The following COL4A6 variants were observed in gnomAD, a reference collection of about 807,000 sequenced individuals.
COL4A6 encodes collagen alpha-6(IV) chain.
Under a neutral mutation model 126.7 loss-of-function variants are expected in COL4A6, and 59 were observed. The observed-to-expected ratio is 0.47, with a 90% CI of 0.38 to 0.58. COL4A6 has a LOEUF of 0.58. Ranked by LOEUF, COL4A6 falls within the 20% of genes least tolerant of loss-of-function variation. COL4A6 has a pLI of 0.00. For missense variants in COL4A6, 1,285 were observed against 1,337.3 expected, an observed-to-expected ratio of 0.96 and a Z score of 0.61; for synonymous variants, 547 against 496.6, an observed-to-expected ratio of 1.10 and a Z score of -1.35.
At chrX:108,313,377 T>C (rs1389837118) in intron 2 of COL4A6, among the ~76,000 whole-genome samples, 2 of 112,165 alleles carry the variant, frequency 1.8e-5, no homozygotes, top group Admixed American at 9.5e-5. Context: ...TCTAATACAG[T>C]GGTTCTTAAC....
intron 2 of COL4A6, among the ~76,000 whole-genome samples, chrX:108,355,116 G>T (rs1213620906): frequency 1.8e-5 from 2 of 111,465 alleles, no homozygotes; most frequent in Non-Finnish European, 3.8e-5. Flanking sequence ...TACCCCTTGA[G>T]ATGTCCAGAT....
chrX:108,403,887 T>A (rs1427924371), intron 2 of COL4A6, among the ~76,000 whole-genome samples: 1 of 111,723 alleles, frequency 9.0e-6, no homozygotes, highest in Non-Finnish European at 1.9e-5. Context: ...TTGGGGATTT[T>A]AAAATAATAT....
At chrX:108,187,819 A>C (rs766672508) in intron 22 of COL4A6, 29 bp downstream of exon 22, 1 of 1,169,651 alleles carries the variant, frequency 8.5e-7, no homozygotes, top group Non-Finnish European at 1.2e-6. Context: ...AGATCTGTAG[A>C]GCTAATCACC....
intron 3 of COL4A6, among the ~76,000 whole-genome samples, chrX:108,305,592 G>A (rs761093375): frequency 8.9e-6 from 1 of 111,858 alleles, no homozygotes; most frequent in South Asian, 3.8e-4. Flanking sequence ...TCAGTCTTGA[G>A]GTTATTGAGG....
intron 2 of COL4A6, among the ~76,000 whole-genome samples, chrX:108,377,941 CAAAAAA>C (rs745969449): frequency 1.4e-4 from 1 of 7,233 alleles, no homozygotes; most frequent in Non-Finnish European, 2.9e-4. Flanking sequence ...GACTCCGTCT[CAAAAAA>C]AAAAAAAAAA....
At chrX:108,392,147 C>T (rs1038366775) in intron 2 of COL4A6, among the ~76,000 whole-genome samples, 7 of 111,854 alleles carry the variant, frequency 6.3e-5, no homozygotes, top group African/African-American at 1.3e-4. Context: ...TAAATGTAAG[C>T]GCTAAAACTA....
At position 108,354,028 on chromosome X, in the gene COL4A6, C is replaced by T. The variant is rs760507637; in HGVS notation, c.64-43200G>A. 4.5e-5 allele frequency among the ~76,000 whole-genome samples: 5 copies of T among 111,556 alleles called. No homozygotes were observed. The South Asian group carries it at 1.5e-3, about 34-fold the overall frequency. ...ATTAGCTGGGCATGGTGGCATGTGC[C>T]TGTAATCCCAGCTATTTGGGAGGCT... On this transcript the variant is annotated intron_variant, in intron 2 of 44. Transcript: ENST00000334504.
At chrX:108,400,894 A>G (rs751106041) in intron 2 of COL4A6, among the ~76,000 whole-genome samples, 1 of 112,104 alleles carries the variant, frequency 8.9e-6, no homozygotes, top group East Asian at 2.8e-4. Flanking sequence ...AAAGGTATCA[A>G]GAATTTTCTT....
intron 4 of COL4A6, 61 bp from the exon 5 acceptor site, chrX:108,219,803 A>C: frequency 1.0e-6 from 1 of 997,696 alleles, no homozygotes; most frequent in African/African-American, 1.9e-5. Flanking sequence ...TGTTAGACTC[A>C]GTAGGTTTAT....
intron 3 of COL4A6, among the ~76,000 whole-genome samples, chrX:108,257,849 T>C (rs1452365438): frequency 1.8e-5 from 2 of 111,786 alleles, no homozygotes; most frequent in Non-Finnish European, 3.8e-5. Flanking sequence ...CATGGTTGAA[T>C]GATTTGAGGT....
chrX:108,278,796 G>A lies in COL4A6; in HGVS notation c.144+31952C>T, dbSNP rs1270501622. 8.4e-3 allele frequency among the ~76,000 whole-genome samples: 929 copies of A among 110,319 alleles called. 3 individuals are homozygous for A. The highest frequency in any genetic ancestry group is 0.029 in the African/African-American group (878 of 30,255). ...CCATCAGACTAACAGCGGATCTCTC[G>A]GCAGAAACTCTACAAGCCAGAAGAG... On this transcript the variant is annotated intron_variant, in intron 3 of 44. Transcript: ENST00000334504.
chrX:108,191,328 A>T (rs2035032975), intron 19 of COL4A6, 65 bp downstream of exon 19: 2 of 1,142,953 alleles, frequency 1.7e-6, no homozygotes, highest in South Asian at 4.1e-5. Flanking sequence ...CTCAAAAATC[A>T]TGACTGTTCT....
intron 3 of COL4A6, among the ~76,000 whole-genome samples, chrX:108,283,364 C>T (rs946857443): frequency 5.4e-5 from 6 of 110,893 alleles, no homozygotes; most frequent in Non-Finnish European, 7.6e-5. Context: ...CAGTTTATTT[C>T]TCTCTTCCCT....
At chrX:108,197,816 C>G (rs188612752) in intron 13 of COL4A6, among the ~76,000 whole-genome samples, 1 of 93,906 alleles carries the variant, frequency 1.1e-5, no homozygotes, top group African/African-American at 3.8e-5. Flanking sequence ...TGTGTAGGAT[C>G]CAATTCAAAG....
At chrX:108,330,042 A>G (rs2039258347) in intron 2 of COL4A6, among the ~76,000 whole-genome samples, 1 of 107,732 alleles carries the variant, frequency 9.3e-6, no homozygotes, top group South Asian at 3.8e-4. Flanking sequence ...AAATATGTCT[A>G]AACAGTTATA....
At chrX:108,259,142 A>T (rs1264912356) in intron 3 of COL4A6, among the ~76,000 whole-genome samples, 1 of 111,364 alleles carries the variant, frequency 9.0e-6, no homozygotes, top group African/African-American at 3.3e-5. Flanking sequence ...TGCATTTGTT[A>T]ATCAGAGCTA....
chrX:108,276,955 G>C (rs964057671), intron 3 of COL4A6, among the ~76,000 whole-genome samples: 1 of 112,547 alleles, frequency 8.9e-6, no homozygotes, highest in South Asian at 3.7e-4. Context: ...GAAAGCAATG[G>C]AACCTTTGTC....
intron 2 of COL4A6, among the ~76,000 whole-genome samples, chrX:108,312,185 A>G (rs1236126570): frequency 3.6e-5 from 4 of 112,187 alleles, no homozygotes; most frequent in Non-Finnish European, 5.6e-5. Flanking sequence ...CTGACCTCAC[A>G]CTTAATCATT....
Position 108,206,705 on chromosome X carries a change from T to C in COL4A6, c.547-125A>G, listed in dbSNP as rs7881238. 613 of 598,622 alleles carry C rather than the reference T, an allele frequency of 1.0e-3. 2 individuals carry two copies. In the African/African-American group the frequency reaches 0.011, roughly 11 times the overall value. The allele number at this position is 598,622 out of a possible 1,213,427, so 49.3% of individuals were successfully genotyped here. On this transcript the variant is annotated intron_variant, in intron 8 of 44. Transcript: ENST00000334504. ...CAACTTTATTCATAATAGTCAAAAA[T>C]TGGAAATGTTCCAGTTGTCCAATGA...
Sources: gnomAD v4.1 joint callset for allele counts (sites outside exome capture counted in the v4.1 genomes callset) on GRCh38, gnomAD v4.1.1 for gene constraint, MANE v1.5 for transcripts, NCBI Gene and HGNC (gene_info 2026-07-23, HGNC 2026-07-21) for gene names.